The following CEP170B variants were observed in gnomAD, a reference collection of about 807,000 sequenced individuals.
CEP170B encodes the protein centrosomal protein 170B, also known as centrosomal protein of 170 kDa protein B.
In CEP170B, 55 loss-of-function variants were observed where a neutral mutation model predicts 120.6. The observed-to-expected ratio is 0.46, with a 90% CI of 0.37 to 0.57. CEP170B has a LOEUF of 0.57. Among genes scored for constraint, CEP170B ranks in the 20% least tolerant of loss-of-function variants. CEP170B has a pLI of 0.00. For missense variants in CEP170B, 2,212 were observed against 2,253.3 expected, an observed-to-expected ratio of 0.98 and a Z score of 0.37; for synonymous variants, 1,033 against 954.5, an observed-to-expected ratio of 1.08 and a Z score of -1.52.
intron 13 of CEP170B, among the ~76,000 whole-genome samples, chr14:104,890,375 T>G (rs1474901309): frequency 9.5e-6 from 1 of 104,922 alleles, no homozygotes; most frequent in African/African-American, 3.4e-5. Flanking sequence ...AGTGGGTGGG[T>G]GGATGGATGG....
chr14:104,872,134 CGT>C (rs1169124745), intron 2 of CEP170B, among the ~76,000 whole-genome samples: 5 of 149,872 alleles, frequency 3.3e-5, no homozygotes, highest in Admixed American at 1.3e-4. Flanking sequence ...CGTGTGTGTG[CGT>C]GTGTGTGCCG....
chr14:104,875,807 G>C (rs1197415281), intron 2 of CEP170B, among the ~76,000 whole-genome samples: 1 of 152,204 alleles, frequency 6.6e-6, no homozygotes, highest in African/African-American at 2.4e-5. Flanking sequence ...CCCAGAAAGG[G>C]TCGGCAGCAC....
At chr14:104,889,526 C>A (rs745667621) in intron 12 of CEP170B, 94 bp from the exon 13 acceptor site, 1 of 1,588,214 alleles carries the variant, frequency 6.3e-7, no homozygotes, top group Non-Finnish European at 8.5e-7. Flanking sequence ...CACGAGGCGC[C>A]GGCAGCAGGG....
rs374589184 is a variant in CEP170B, at chr14:104,877,984, C to A, written c.274+21C>A. 119 of 1,583,380 alleles carry A rather than the reference C, an allele frequency of 7.5e-5. No homozygotes were observed. In the African/African-American group the frequency reaches 1.4e-3, roughly 19 times the overall value. On this transcript the variant is annotated intron_variant, in intron 4 of 18. Transcript: ENST00000414716. ...CTACGATATCCTGCCCCTGAGCGTC[C>A]CTCCTCCTGGGCTTCTTCTCAGTCC...
In CEP170B at chr14:104,883,175, C is replaced by A; in HGVS notation, c.718C>A (p.Pro240Thr). 1 of 1,600,284 alleles carries A rather than the reference C, an allele frequency of 6.2e-7. No individual in the cohort carries two copies. The highest frequency in any genetic ancestry group is 8.5e-7 in the Non-Finnish European group (1 of 1,175,688). Residue 240 changes from proline to threonine, a missense_variant, in exon 8 of 19, where the codon CCC (proline) becomes ACC (threonine). Around this residue, in one of 2 missense-constraint regions of CEP170B, gnomAD observed 2,166 missense variants for 2,166.7 expected, o/e 1.00. Transcript: ENST00000414716. ...TKETPQPSQP[P>T]EVPAHEMPTK... ...GGAGACCCCGCAGCCGTCGCAGCCCCCCGAGGTGCCGGCACACGAGATGCC... is the reference window on the plus strand; with the variant it reads ...GGAGACCCCGCAGCCGTCGCAGCCCACCGAGGTGCCGGCACACGAGATGCC...
chr14:104,877,826 G>GCCCCCCCCCCCCCCCC, intron 3 of CEP170B, 59 bp from the exon 4 acceptor site: 2 of 534,438 alleles, frequency 3.7e-6, no homozygotes, highest in Non-Finnish European at 5.5e-6. Context: ...CTGCGGCCCT[G>GCCCCCCCCCCCCCCCC]CCCACAGCCA....
rs1339797518 is a variant in CEP170B at position 104,891,637 on chromosome 14, C to A, written c.3879-1339C>A. On this transcript the variant is annotated intron_variant, in intron 13 of 18. Coordinates refer to ENST00000414716, the MANE Select transcript of CEP170B (RefSeq NM_001112726.3). This position sits in a 1 kb window ranked among gnomAD's most constrained non-coding sequence, Gnocchi z 4.3. Reference sequence around the variant, plus strand: ...GCTAGCACAGGGCTAGGGCTCTGGACAGAGACACTGCACCTGGCTGAGAAG... The same window carrying A: ...GCTAGCACAGGGCTAGGGCTCTGGAAAGAGACACTGCACCTGGCTGAGAAG... 6.6e-6 allele frequency among the ~76,000 whole-genome samples: 1 copy of A among 151,878 alleles called. No individual in the cohort carries two copies. Among genetic ancestry groups the A allele is most frequent in the Non-Finnish European group, 1.5e-5 (1 of 67,952 alleles).
rs778741838 is a variant in CEP170B at position 104,882,750 on chromosome 14, C to T, written c.495C>T (p.Pro165=). 6.2e-7 allele frequency: 1 copy of T among 1,612,272 alleles called. No homozygotes were observed. Among genetic ancestry groups the T allele is most frequent in the Non-Finnish European group, 8.5e-7 (1 of 1,179,654 alleles). ...PGTEAASYRT[P]LYGQPSWWGE... is the part of the protein sequence containing the mutation. The stretch of plus-strand genomic sequence containing the variant: ...CAGAGGCAGCCTCTTACCGCACACC[C>T]CTGTATGGGCAGCCCTCCTGGTGGG... The change falls in exon 7 of 19, where the codon CCC becomes CCT. Residue 165 remains proline (P), a synonymous_variant. Coordinates refer to ENST00000414716, the MANE Select transcript of CEP170B (RefSeq NM_001112726.3).
intron 5 of CEP170B, among the ~76,000 whole-genome samples, chr14:104,878,702 AC>A (rs1335820483): frequency 1.4e-5 from 2 of 146,960 alleles, no homozygotes; most frequent in Admixed American, 6.8e-5. Flanking sequence ...GGTAGTCATT[AC>A]CCCCAGCCTG....
chr14:104,894,074 C>T (rs982844349), intron 16 of CEP170B: 5 of 652,896 alleles, frequency 7.7e-6, no homozygotes, highest in African/African-American at 1.8e-5. Context: ...TCTCCCCTAG[C>T]CCTCATCCCG....
rs9788593 is a variant in CEP170B, at chr14:104,884,462, C to T, written c.1683C>T (p.Asp561=). The part of the protein sequence containing the change: ...QLTKARKQEE[D]DSLSDAGTYT... Reference sequence around the variant, plus strand: ...CCAAGGCACGGAAACAGGAGGAGGACGACAGCCTCAGTGACGCAGGGACAT... The same window carrying T: ...CCAAGGCACGGAAACAGGAGGAGGATGACAGCCTCAGTGACGCAGGGACAT... The change falls in exon 9 of 19, where the codon GAC becomes GAT. Residue 561 remains aspartate (D), a synonymous_variant. Coordinates refer to ENST00000414716, the MANE Select transcript of CEP170B (RefSeq NM_001112726.3). The T allele has an allele frequency of 0.73, 1,109,561 of 1,527,272 alleles. 418,855 individuals carry two copies. Among genetic ancestry groups the T allele is most frequent in the Middle Eastern group, 0.8 (4,568 of 5,678 alleles). The allele number at this position is 1,527,272 out of a possible 1,614,324, so 94.6% of individuals were successfully genotyped here. A position where few individuals can be genotyped will look rare whatever the true frequency, so the allele number is the denominator to read the frequency against.
rs769634851 is a variant in CEP170B, at chr14:104,894,528, C to T, written c.4366-9C>T. 24 of 1,610,432 alleles carry T rather than the reference C, an allele frequency of 1.5e-5. No homozygotes were observed. Among genetic ancestry groups the T allele is most frequent in the East Asian group, 2.2e-5 (1 of 44,790 alleles). ...GTTGACTCCACCTCCCTTCCTGCCA[C>T]GTTTCCAGGAAATCAGCTCCATCCT... On this transcript the variant is annotated splice_polypyrimidine_tract_variant and intron_variant, in intron 17 of 18. Coordinates refer to ENST00000414716, the MANE Select transcript of CEP170B (RefSeq NM_001112726.3).
rs757516124 is a variant in CEP170B, at chr14:104,876,332, G to A, written c.182G>A (p.Gly61Asp). 1.3e-6 allele frequency: 2 copies of A among 1,550,810 alleles called. No individual in the cohort carries two copies. Among genetic ancestry groups the A allele is most frequent in the South Asian group, 1.2e-5 (1 of 84,064 alleles). The stretch of plus-strand genomic sequence containing the variant: ...GACGAGCACTGGGTGAAGGACCTGG[G>A]CAGCCTCAATGGGGTAAGTGTGAGA... ...DRDEHWVKDL[G>D]SLNGTFVNDM... The change falls in exon 3 of 19, where the codon GGC (glycine) becomes GAC (aspartate). Residue 61 changes from glycine (G) to aspartate (D), a missense_variant. Physicochemically the swap from Gly to Asp is moderately conservative, Grantham distance 94. This residue lies in a region of CEP170B where 2,166 missense variants were observed against 2,166.7 expected (regional missense o/e 1.00). Coordinates refer to ENST00000414716, the MANE Select transcript of CEP170B (RefSeq NM_001112726.3).
At position 104,895,200 on chromosome 14, in the gene CEP170B, C is replaced by T; in HGVS notation, c.*242C>T. The T allele has an allele frequency of 2.1e-6, 1 of 476,676 alleles. No individual in the cohort carries two copies. The allele number at this position is 476,676 out of a possible 1,614,324, so 29.5% of individuals were successfully genotyped here. A position where few individuals can be genotyped will look rare whatever the true frequency, so the allele number is the denominator to read the frequency against. ...CTCGCCCCCTACAGGCCTCTGGGCC[C>T]AGCTCCTGGCCAGGCTGCTGCCAAG... On this transcript the variant is annotated 3_prime_UTR_variant, in exon 19 of 19. Transcript: ENST00000414716.
intron 2 of CEP170B, among the ~76,000 whole-genome samples, chr14:104,872,497 T>TGCCGTGTGTGCCGTGTGTGC (rs1186800733): frequency 9.1e-6 from 1 of 110,078 alleles, no homozygotes; most frequent in Non-Finnish European, 2.2e-5. Context: ...GCCGTGTGTG[T>TGCCGTGTGTGCCGTGTGTGC]GTGCGTGTGT....
chr14:104,893,179 C>T lies in CEP170B; in HGVS notation c.4038+44C>T, dbSNP rs115189865. The T allele has an allele frequency of 2.8e-4, 450 of 1,580,350 alleles. 4 individuals are homozygous for T. In the African/African-American group the frequency reaches 5.2e-3, roughly 18 times the overall value. ...GAGGCCCCTGTGCCAGAGCCACCCT[C>T]GAGGAGGGTCAGGCCAGGTCCCCAC... On this transcript the variant is annotated intron_variant, in intron 14 of 18. Coordinates refer to ENST00000414716, the MANE Select transcript of CEP170B (RefSeq NM_001112726.3).
At chr14:104,894,220 T>C (rs1896981440) in intron 16 of CEP170B, 65 bp from the exon 17 acceptor site, 5 of 1,275,982 alleles carry the variant, frequency 3.9e-6, no homozygotes, top group South Asian at 1.2e-5. Context: ...TCTGGGAGAA[T>C]TGTGCCTCAG....
At chr14:104,865,146 C>A (rs2841222), upstream of CEP170B, 298 of 143,394 alleles carry the variant, frequency 2.1e-3, 3 homozygotes, top group African/African-American at 7.4e-3. This position sits in a 1 kb window ranked among gnomAD's most constrained non-coding sequence, Gnocchi z 6.7. Flanking sequence ...CTGGCGGCCG[C>A]GGACCCGCCC....
Position 104,867,707 on chromosome 14 carries a change from C to G in CEP170B, c.-27-717C>G, listed in dbSNP as rs563606038. On this transcript the variant is annotated intron_variant, in intron 1 of 18. Coordinates refer to ENST00000414716, the MANE Select transcript of CEP170B (RefSeq NM_001112726.3). This position sits in a 1 kb window ranked among gnomAD's most constrained non-coding sequence, Gnocchi z 5.4. ...GGGGCTCCCTGCCTGTCTACACCAG[C>G]CCCTCAGACCACCCCCTCTTTGTTG... Among the ~76,000 whole-genome samples the G allele has an allele frequency of 2.4e-4, 37 of 152,324 alleles. No homozygotes were observed. Among genetic ancestry groups the G allele is most frequent in the African/African-American group, 8.4e-4 (35 of 41,564 alleles).
Sources: allele counts gnomAD v4.1 joint callset (sites outside exome capture counted in the v4.1 genomes callset), GRCh38; gene constraint gnomAD v4.1.1; regional missense constraint gnomAD v4.1.1; non-coding constraint Gnocchi (gnomAD v3.1); transcripts MANE v1.5; gene names NCBI Gene and HGNC (gene_info 2026-07-23, HGNC 2026-07-21).